The following GRB14 variants were observed in gnomAD, a reference collection of about 807,000 sequenced individuals.
GRB14 encodes the protein growth factor receptor bound protein 14.
A neutral mutation model predicts 69.1 loss-of-function variants in GRB14; 38 were observed. The observed-to-expected ratio is 0.55, with a 90% CI of 0.42 to 0.72. The LOEUF is 0.72. Among genes scored for constraint, GRB14 ranks in the 30% least tolerant of loss-of-function variants. The pLI is 0.00. For synonymous variants in GRB14, 247 were observed against 241.3 expected (o/e 1.02, Z -0.22); for missense variants, 666 against 666.1 (o/e 1.00, Z 0.00).
At chr2:164,594,114 T>C (rs1019475995) in intron 2 of GRB14, among the ~76,000 whole-genome samples, 1 of 151,900 alleles carries the variant, frequency 6.6e-6, no homozygotes, top group Non-Finnish European at 1.5e-5. Flanking sequence ...CATCAGTAGA[T>C]AGCATCTAAA....
At chr2:164,616,425 C>CA (rs34263597) in intron 2 of GRB14, among the ~76,000 whole-genome samples, 3,603 of 66,356 alleles carry the variant, frequency 0.054, 227 homozygotes, top group African/African-American at 0.11. Context: ...GACTCCGTCT[C>CA]AAAAAAAAAA....
intron 9 of GRB14, among the ~76,000 whole-genome samples, chr2:164,498,850 C>G (rs781107082): frequency 6.6e-6 from 1 of 152,124 alleles, no homozygotes; most frequent in Non-Finnish European, 1.5e-5. Flanking sequence ...GCTGTAGTGG[C>G]CTACAATCTT....
At chr2:164,569,772 C>T (rs796381612) in intron 2 of GRB14, among the ~76,000 whole-genome samples, 4 of 152,056 alleles carry the variant, frequency 2.6e-5, no homozygotes, top group African/African-American at 4.8e-5. Flanking sequence ...GGCAGTAATG[C>T]GCTTAATATA....
intron 13 of GRB14, 147 bp downstream of exon 13, chr2:164,494,284 A>T: frequency 1.7e-6 from 1 of 593,190 alleles, no homozygotes; most frequent in Non-Finnish European, 3.0e-6. Flanking sequence ...GCCAAAGTTA[A>T]CTCTAGTCAA....
At chr2:164,516,673 A>T (rs1240144304) in intron 6 of GRB14, among the ~76,000 whole-genome samples, 1 of 152,182 alleles carries the variant, frequency 6.6e-6, no homozygotes, top group Non-Finnish European at 1.5e-5. Context: ...AAAATTCGCC[A>T]CTACCAAGCC....
chr2:164,556,156 A>G (rs556146909), intron 2 of GRB14, among the ~76,000 whole-genome samples: 2 of 152,280 alleles, frequency 1.3e-5, no homozygotes, highest in East Asian at 3.9e-4. Flanking sequence ...ACTTATTCCA[A>G]ATCTCTAATT....
chr2:164,582,426 T>C (rs868442824), intron 2 of GRB14, among the ~76,000 whole-genome samples: 2 of 46,566 alleles, frequency 4.3e-5, no homozygotes, highest in African/African-American at 8.2e-5. Context: ...TATTTATTAT[T>C]TTTTTTTTTT....
chr2:164,592,124 T>G (rs1271736588), intron 2 of GRB14, among the ~76,000 whole-genome samples: 2 of 141,078 alleles, frequency 1.4e-5, no homozygotes, highest in African/African-American at 3.0e-5. Flanking sequence ...CAGTCATGGG[T>G]TTTTTTTTTG....
At chr2:164,510,407 G>C (rs1323607503) in intron 6 of GRB14, among the ~76,000 whole-genome samples, 1 of 152,150 alleles carries the variant, frequency 6.6e-6, no homozygotes, top group African/African-American at 2.4e-5. Flanking sequence ...GTACGGACAT[G>C]GGGAGGTGGA....
Position 164,596,909 on chromosome 2 carries a change from TA to T in GRB14, c.324+22777del, listed in dbSNP as rs531884040. Among the ~76,000 whole-genome samples the T allele has an allele frequency of 4.7e-3, 699 of 150,158 alleles. 1 individual carries two copies. Among genetic ancestry groups the T allele is most frequent in the African/African-American group, 0.015 (606 of 40,970 alleles). ...TCATTTGTCATCAAAAAACCAGCTT[TA>T]AAAAAAAAATGATTCCTAGATCTAG... On this transcript the variant is annotated intron_variant, in intron 2 of 13. Coordinates refer to ENST00000263915, the MANE Select transcript of GRB14 (RefSeq NM_004490.3).
At chr2:164,504,170 C>T (rs1204106134) in intron 8 of GRB14, among the ~76,000 whole-genome samples, 1 of 151,492 alleles carries the variant, frequency 6.6e-6, no homozygotes, top group East Asian at 1.9e-4. Flanking sequence ...CATATGAAGA[C>T]TTTACATATA....
chr2:164,518,539 T>G (rs1687552186), intron 6 of GRB14, among the ~76,000 whole-genome samples: 1 of 151,742 alleles, frequency 6.6e-6, no homozygotes, highest in South Asian at 2.1e-4. Flanking sequence ...CTAAATAAAA[T>G]TGAAACAAAT....
intron 9 of GRB14, among the ~76,000 whole-genome samples, chr2:164,498,195 T>C (rs1686955074): frequency 6.6e-6 from 1 of 152,170 alleles, no homozygotes; most frequent in Non-Finnish European, 1.5e-5. Context: ...ATTTTCATCT[T>C]GTGAGAATAC....
At chr2:164,576,718 C>T (rs1440213824) in intron 2 of GRB14, among the ~76,000 whole-genome samples, 1 of 148,310 alleles carries the variant, frequency 6.7e-6, no homozygotes, top group African/African-American at 2.5e-5. Flanking sequence ...GTATATTAAA[C>T]AAAAATAAAT....
intron 5 of GRB14, among the ~76,000 whole-genome samples, chr2:164,524,627 T>C (rs1385306362): frequency 1.3e-5 from 2 of 152,110 alleles, no homozygotes; most frequent in African/African-American, 4.8e-5. Context: ...GGGTGTTTAT[T>C]ATGAAAGCTG....
Position 164,529,767 on chromosome 2 carries a change from G to A in GRB14, c.482-2632C>T, listed in dbSNP as rs376014869. 2.3e-3 allele frequency among the ~76,000 whole-genome samples: 347 copies of A among 152,272 alleles called. 13 individuals carry two copies. The South Asian group carries it at 0.07, about 31-fold the overall frequency. On this transcript the variant is annotated intron_variant, in intron 3 of 13. Coordinates refer to ENST00000263915, the MANE Select transcript of GRB14 (RefSeq NM_004490.3). ...ATTCTTCTAATCCAACGTGGACACCGATAGCATAGCAAACCTCCTAAAACA... is the reference window on the plus strand; with the variant it reads ...ATTCTTCTAATCCAACGTGGACACCAATAGCATAGCAAACCTCCTAAAACA...
chr2:164,525,069 GA>G lies in GRB14; in HGVS notation c.612del (p.Pro205GlnfsTer25). On this transcript the variant is annotated frameshift_variant, in exon 5 of 14. Coordinates refer to ENST00000263915, the MANE Select transcript of GRB14 (RefSeq NM_004490.3). LOFTEE classifies it high-confidence loss of function. ...GTTGCAAAAGATACCATATGCTCTG[GA>G]AAAAAATACTGTCAAAAAGACACAG... ...YEFFKNPMYF[F>X]PEHMVSFATE... 24 of 1,574,488 alleles carry G rather than the reference GA, an allele frequency of 1.5e-5. No individual in the cohort carries two copies. The highest frequency in any genetic ancestry group is 3.5e-5 in the Admixed American group (2 of 56,834).
chr2:164,546,990 C>T (rs1688396443), intron 3 of GRB14, among the ~76,000 whole-genome samples: 1 of 152,190 alleles, frequency 6.6e-6, no homozygotes. Flanking sequence ...CTCTGACCTT[C>T]ACTAGAGCCA....
chr2:164,571,745 G>C (rs1241262050), intron 2 of GRB14, among the ~76,000 whole-genome samples: 1 of 152,132 alleles, frequency 6.6e-6, no homozygotes, highest in Non-Finnish European at 1.5e-5. Flanking sequence ...CTAAGAAATG[G>C]TCTTGGGTTT....
Sources: gnomAD v4.1 joint callset for allele counts (sites outside exome capture counted in the v4.1 genomes callset) on GRCh38, gnomAD v4.1.1 for gene constraint, MANE v1.5 for transcripts, NCBI Gene and HGNC (gene_info 2026-07-23, HGNC 2026-07-21) for gene names.